Variants in MAF observed in about 807,000 individuals in gnomAD.
MAF encodes the protein transcription factor Maf.
MAF carries 10 observed loss-of-function variants against 22.0 expected under a neutral mutation model. That is an observed-to-expected ratio of 0.45 (90% confidence interval 0.28 to 0.77). The LOEUF is 0.77. MAF is among the 30% of genes least tolerant of loss of function. MAF has a pLI of 0.12. For synonymous variants in MAF, 337 were observed against 255.8 expected (o/e 1.32, Z -3.03); for missense variants, 544 against 548.4 (o/e 0.99, Z 0.08).
chr16:79,215,282 A>G, the MAF span, among the ~76,000 whole-genome samples: 1 of 152,092 alleles, frequency 6.6e-6, no homozygotes, highest in Non-Finnish European at 1.5e-5. Context: ...GGGTCTTGCT[A>G]TGTTGACCAG....
chr16:79,432,426 T>A, the MAF span, among the ~76,000 whole-genome samples: 15 of 152,226 alleles, frequency 9.9e-5, no homozygotes, highest in African/African-American at 2.4e-5. Flanking sequence ...TGATAAGATT[T>A]AATTTATAAA....
At chr16:79,597,700 A>G in intron 1 of MAF, 1 of 1,020,588 alleles carries the variant, frequency 9.8e-7, no homozygotes, top group Non-Finnish European at 1.2e-6. Context: ...AATAAAACAA[A>G]AGTATGAATG....
chr16:79,438,185 G>A, the MAF span, among the ~76,000 whole-genome samples: 5 of 152,164 alleles, frequency 3.3e-5, no homozygotes, highest in Admixed American at 6.5e-5. Flanking sequence ...TTTGTGGGGG[G>A]TTCCCTCAGG....
chr16:79,455,261 G>A, the MAF span, among the ~76,000 whole-genome samples: 1 of 152,080 alleles, frequency 6.6e-6, no homozygotes, highest in Non-Finnish European at 1.5e-5. Context: ...TCAGAAGAAA[G>A]CTTAGTATAT....
At chr16:79,574,941 T>C in the MAF span, among the ~76,000 whole-genome samples, 3 of 152,076 alleles carry the variant, frequency 2.0e-5, 1 homozygote, top group Non-Finnish European at 4.4e-5. Context: ...CTTGCCTTTC[T>C]GGGTTTCAGT....
chr16:79,376,526 T>A, the MAF span, among the ~76,000 whole-genome samples: 106 of 152,272 alleles, frequency 7.0e-4, no homozygotes, highest in African/African-American at 2.1e-3. Context: ...ATTTTATTTT[T>A]TTTCTTTTTT....
At chr16:79,479,731 C>T in the MAF span, among the ~76,000 whole-genome samples, 341 of 152,312 alleles carry the variant, frequency 2.2e-3, 2 homozygotes, top group African/African-American at 8.0e-3. Flanking sequence ...AAGGAAGGAA[C>T]CAGACTACTA....
the MAF span, among the ~76,000 whole-genome samples, chr16:79,365,852 G>A: frequency 6.6e-6 from 1 of 152,214 alleles, no homozygotes; most frequent in Non-Finnish European, 1.5e-5. Context: ...AAGGAAGAAT[G>A]TTAAGACAAT....
At chr16:79,307,823 C>T in the MAF span, among the ~76,000 whole-genome samples, 1 of 152,120 alleles carries the variant, frequency 6.6e-6, no homozygotes, top group Admixed American at 6.5e-5. Context: ...ACTGTGGTCA[C>T]CAAATCGTAA....
At chr16:79,313,383 A>T in the MAF span, among the ~76,000 whole-genome samples, 1 of 152,088 alleles carries the variant, frequency 6.6e-6, no homozygotes, top group Non-Finnish European at 1.5e-5. Context: ...AAGCTGAAAA[A>T]CTAGACCCTC....
the MAF span, among the ~76,000 whole-genome samples, chr16:79,321,450 A>C: frequency 6.6e-6 from 1 of 152,192 alleles, no homozygotes; most frequent in Non-Finnish European, 1.5e-5. Context: ...CTACAAGAAC[A>C]TGGAGGCTAG....
chr16:79,504,717 G>C, the MAF span, among the ~76,000 whole-genome samples: 1 of 152,186 alleles, frequency 6.6e-6, no homozygotes, highest in African/African-American at 2.4e-5. Flanking sequence ...GTGGATGATG[G>C]ATGGATATAA....
chr16:79,352,403 G>A, the MAF span, among the ~76,000 whole-genome samples: 1 of 152,094 alleles, frequency 6.6e-6, no homozygotes, highest in African/African-American at 2.4e-5. Context: ...CTGAGGTGGG[G>A]TCAGGGTGGA....
At chr16:79,222,321 A>G in the MAF span, among the ~76,000 whole-genome samples, 1 of 152,214 alleles carries the variant, frequency 6.6e-6, no homozygotes, top group Admixed American at 6.5e-5. Context: ...CTGTCTTACA[A>G]GAGCTCCTGA....
At chr16:79,561,930 A>G in the MAF span, among the ~76,000 whole-genome samples, 1 of 152,190 alleles carries the variant, frequency 6.6e-6, no homozygotes, top group Admixed American at 6.5e-5. Flanking sequence ...AGCTGGGTAC[A>G]AGCGAGCCAA....
chr16:79,356,534 C>A, the MAF span, among the ~76,000 whole-genome samples: 688 of 152,294 alleles, frequency 4.5e-3, 6 homozygotes, highest in Non-Finnish European at 7.5e-3. Flanking sequence ...ATTTCTGCAG[C>A]CTGGAGCTGT....
chr16:79,232,317 T>A, the MAF span, among the ~76,000 whole-genome samples: 1 of 152,092 alleles, frequency 6.6e-6, no homozygotes, highest in Non-Finnish European at 1.5e-5. Flanking sequence ...ATAGGCATGG[T>A]TTCTTCTTAC....
chr16:79,567,012 T>A, the MAF span, among the ~76,000 whole-genome samples: 3 of 152,312 alleles, frequency 2.0e-5, no homozygotes, highest in Non-Finnish European at 4.4e-5. Flanking sequence ...AAAGAAAGAC[T>A]ACCTACAATT....
At chr16:79,498,245 G>C in the MAF span, among the ~76,000 whole-genome samples, 1 of 152,084 alleles carries the variant, frequency 6.6e-6, no homozygotes, top group Non-Finnish European at 1.5e-5. Flanking sequence ...ATTTGTAAAG[G>C]GCCACGTGGT....
Sources: allele counts gnomAD v4.1 joint callset (sites outside exome capture counted in the v4.1 genomes callset), GRCh38; gene constraint gnomAD v4.1.1; transcripts MANE v1.5; gene names NCBI Gene and HGNC (gene_info 2026-07-23, HGNC 2026-07-21).